Variants in FBLN2 observed in about 807,000 individuals in gnomAD.
FBLN2 encodes fibulin 2, also known as fibulin-2.
Under a neutral mutation model 123.7 loss-of-function variants are expected in FBLN2, and 81 were observed. The observed-to-expected ratio is 0.65, with a 90% CI of 0.55 to 0.79. The LOEUF is 0.79. Ranked by LOEUF, FBLN2 falls within the 30% of genes least tolerant of loss-of-function variation. The probability of loss-of-function intolerance (pLI) is 0.00; values close to 1 mark genes in which losing one functional copy is unlikely to be tolerated. For synonymous variants in FBLN2, 699 were observed against 701.4 expected, an observed-to-expected ratio of 1.00 and a Z score of 0.05; for missense variants, 1,603 against 1,681.3, an observed-to-expected ratio of 0.95 and a Z score of 0.81.
intron 8 of FBLN2, 123 bp from the exon 9 acceptor site, chr3:13,621,652 G>T: frequency 9.9e-7 from 1 of 1,008,326 alleles, no homozygotes; most frequent in Non-Finnish European, 1.5e-6. Context: ...ACACAGTCAG[G>T]CGGGGAGGCC....
rs141625817 is a variant in FBLN2 at position 13,588,970 on chromosome 3, A to G, written c.1306+17309A>G. Reference sequence around the variant, plus strand: ...CATTCTAAGAATCAGAATTACATCAAACTTCAGTTTGAGCAGAAGTATAGT... The same window carrying G: ...CATTCTAAGAATCAGAATTACATCAGACTTCAGTTTGAGCAGAAGTATAGT... On this transcript the variant is annotated intron_variant, in intron 2 of 17. Coordinates refer to ENST00000404922, the MANE Select transcript of FBLN2 (RefSeq NM_001004019.2). 2.5e-3 allele frequency among the ~76,000 whole-genome samples: 380 copies of G among 152,334 alleles called. 5 individuals are homozygous for G. Among genetic ancestry groups the G allele is most frequent in the African/African-American group, 8.7e-3 (363 of 41,574 alleles).
chr3:13,582,961 G>C (rs1704381724), intron 2 of FBLN2, among the ~76,000 whole-genome samples: 2 of 152,270 alleles, frequency 1.3e-5, no homozygotes, highest in African/African-American at 4.8e-5. Flanking sequence ...GGTTGGGCAG[G>C]GGCCGTTCCG....
intron 1 of FBLN2, among the ~76,000 whole-genome samples, chr3:13,553,260 C>G (rs181462833): frequency 6.6e-6 from 1 of 152,190 alleles, no homozygotes; most frequent in Non-Finnish European, 1.5e-5. Context: ...AGAGGAGGCG[C>G]GGCCAGACTG....
At position 13,637,711 on chromosome 3, in the gene FBLN2, C is replaced by T. The variant is rs1396703859; in HGVS notation, c.3488C>T (p.Thr1163Ile). The T allele has an allele frequency of 1.9e-6, 3 of 1,614,024 alleles. No individual in the cohort carries two copies. The highest frequency in any genetic ancestry group is 1.1e-5 in the South Asian group (1 of 91,082). The change falls in exon 18 of 18, where the codon ACC becomes ATC. Residue 1163 changes from threonine (T) to isoleucine (I), a missense_variant. Thr to Ile is a moderately conservative substitution (Grantham distance 89, BLOSUM62 -1). Coordinates refer to ENST00000404922, the MANE Select transcript of FBLN2 (RefSeq NM_001004019.2). ...IGPAPAFTGD[T>I]IALNIIKGNE... is the part of the protein sequence containing the mutation. ...CCCGCGCCAGCCTTCACGGGGGACACCATCGCCCTGAACATCATCAAGGGC... is the reference window on the plus strand; with the variant it reads ...CCCGCGCCAGCCTTCACGGGGGACATCATCGCCCTGAACATCATCAAGGGC...
At position 13,637,811 on chromosome 3, in the gene FBLN2, G is replaced by A; in HGVS notation, c.3588G>A (p.Leu1196=). The change falls in exon 18 of 18, where the codon CTG becomes CTA. Residue 1196 remains leucine (L), a synonymous_variant. Transcript: ENST00000404922. Reference sequence around the variant, plus strand: ...TGGTCTACCTGCAGCGGGCCGTGCTGGAGCCCCGGGACTTTGCCCTGGACG... The same window carrying A: ...TGGTCTACCTGCAGCGGGCCGTGCTAGAGCCCCGGGACTTTGCCCTGGACG... ...TGVVYLQRAV[L]EPRDFALDVE... 2 of 1,613,824 alleles carry A rather than the reference G, an allele frequency of 1.2e-6. No homozygotes were observed. The highest frequency in any genetic ancestry group is 2.7e-5 in the African/African-American group (2 of 75,080).
chr3:13,568,266 A>G (rs573256768), intron 1 of FBLN2, among the ~76,000 whole-genome samples: 1 of 152,138 alleles, frequency 6.6e-6, no homozygotes, highest in Non-Finnish European at 1.5e-5. Context: ...CCTCGGTCAC[A>G]CAACTCCCCC....
At chr3:13,622,336 T>A (rs905450094) in intron 9 of FBLN2, among the ~76,000 whole-genome samples, 4 of 152,230 alleles carry the variant, frequency 2.6e-5, no homozygotes, top group Non-Finnish European at 5.9e-5. Context: ...TTTTCTCATC[T>A]GTAGTAAGGA....
chr3:13,552,330 G>A lies in FBLN2; in HGVS notation c.-42+3122G>A, dbSNP rs139872825. ...GATTTGGACTGACTTTGCAGGTGGG[G>A]CTGCCAGGATTTCTTGATGGATTGG... On this transcript the variant is annotated intron_variant, in intron 1 of 17. Coordinates refer to ENST00000404922, the MANE Select transcript of FBLN2 (RefSeq NM_001004019.2). Among the ~76,000 whole-genome samples the A allele has an allele frequency of 6.6e-4, 101 of 152,274 alleles. 3 individuals carry two copies. In the East Asian group the frequency reaches 0.014, roughly 20 times the overall value.
chr3:13,575,001 C>T (rs1355603385), intron 2 of FBLN2, among the ~76,000 whole-genome samples: 2 of 152,246 alleles, frequency 1.3e-5, no homozygotes, highest in African/African-American at 4.8e-5. Flanking sequence ...GTCTGCCTTG[C>T]TCACTGTCGC....
chr3:13,566,456 A>G (rs893808173), intron 1 of FBLN2: 2 of 152,270 alleles, frequency 1.3e-5, no homozygotes, highest in Admixed American at 6.5e-5. Context: ...CATCTCCTCC[A>G]TGCCCCCACC....
At chr3:13,595,540 C>A (rs997118916) in intron 2 of FBLN2, among the ~76,000 whole-genome samples, 8 of 152,188 alleles carry the variant, frequency 5.3e-5, no homozygotes, top group African/African-American at 1.9e-4. Context: ...CCCTCCACAC[C>A]CCCAGGAGAA....
chr3:13,571,760 T>C (rs1703968566), intron 2 of FBLN2, 99 bp downstream of exon 2: 1 of 1,371,994 alleles, frequency 7.3e-7, no homozygotes, highest in Admixed American at 2.9e-5. Flanking sequence ...CTGGGGATGC[T>C]GGACTGTGGG....
Position 13,621,910 on chromosome 3 carries a change from G to A in FBLN2, c.2291G>A (p.Cys764Tyr), listed in dbSNP as rs1475825283. 2 of 1,612,132 alleles carry A rather than the reference G, an allele frequency of 1.2e-6. No individual in the cohort carries two copies. Reference sequence around the variant, plus strand: ...TATATCCTCAATGCGCACAGGAAGTGCGTGGGTAAGCCAGGGCCCCGCCTG... The same window carrying A: ...TATATCCTCAATGCGCACAGGAAGTACGTGGGTAAGCCAGGGCCCCGCCTG... ...DGYILNAHRK[C>Y]VDINECVTDL... Residue 764 changes from cysteine (C) to tyrosine (Y), a missense_variant, in exon 9 of 18, where the codon TGC becomes TAC. By Grantham distance (194) the Cys-to-Tyr change is radical (BLOSUM62 -2). Coordinates refer to ENST00000404922, the MANE Select transcript of FBLN2 (RefSeq NM_001004019.2).
chr3:13,550,821 T>C (rs2122499), intron 1 of FBLN2, among the ~76,000 whole-genome samples: 127,127 of 152,268 alleles, frequency 0.83, 53,290 homozygotes, highest in East Asian at 1. Flanking sequence ...AATCTTATTC[T>C]GGAGGCACAA....
chr3:13,600,509 C>T (rs1200101229), intron 2 of FBLN2, among the ~76,000 whole-genome samples: 2 of 152,012 alleles, frequency 1.3e-5, no homozygotes, highest in African/African-American at 4.8e-5. Flanking sequence ...CCTTCAGGAT[C>T]GGCTGCATTA....
At chr3:13,620,395 G>A (rs770939742) in intron 8 of FBLN2, among the ~76,000 whole-genome samples, 10 of 152,196 alleles carry the variant, frequency 6.6e-5, no homozygotes, top group East Asian at 5.8e-4. Flanking sequence ...AAGTGTCCCC[G>A]ATGGGGAGTG....
At chr3:13,617,179 T>TCTATCC (rs1559421049) in intron 5 of FBLN2, among the ~76,000 whole-genome samples, 17 of 129,490 alleles carry the variant, frequency 1.3e-4, no homozygotes, top group Admixed American at 6.0e-4. Context: ...TCCATCCATC[T>TCTATCC]ATCCATCCAT....
chr3:13,573,117 C>G (rs1176710659), intron 2 of FBLN2, among the ~76,000 whole-genome samples: 1 of 152,168 alleles, frequency 6.6e-6, no homozygotes, highest in Non-Finnish European at 1.5e-5. Flanking sequence ...TGAGAGGGGA[C>G]AGCCCCGCAC....
At chr3:13,554,341 C>T (rs1366872342) in intron 1 of FBLN2, among the ~76,000 whole-genome samples, 1 of 152,220 alleles carries the variant, frequency 6.6e-6, no homozygotes, top group Non-Finnish European at 1.5e-5. Flanking sequence ...ATAAGCCTCC[C>T]AGAGTTCTTC....
Sources: gnomAD v4.1 joint callset for allele counts (sites outside exome capture counted in the v4.1 genomes callset) on GRCh38, gnomAD v4.1.1 for gene constraint, MANE v1.5 for transcripts, NCBI Gene and HGNC (gene_info 2026-07-23, HGNC 2026-07-21) for gene names.